UHRF2: variants seen among roughly 807,000 people sequenced by gnomAD.
UHRF2 encodes E3 ubiquitin-protein ligase UHRF2.
UHRF2 carries 23 observed loss-of-function variants against 96.8 expected under a neutral mutation model. That is an observed-to-expected ratio of 0.24 (90% CI 0.17 to 0.34). The LOEUF (loss-of-function observed/expected upper bound fraction) is 0.34. Ranked by LOEUF, UHRF2 falls within the 10% of genes least tolerant of loss-of-function variation. The pLI, the probability that UHRF2 is intolerant of heterozygous loss-of-function variation, is 1.00. For synonymous variants in UHRF2, 385 were observed against 332.6 expected (o/e 1.16, Z -1.72); for missense variants, 685 against 981.5 (o/e 0.70, Z 4.04).
At chr9:6,488,083 A>C (rs867797765) in intron 9 of UHRF2, among the ~76,000 whole-genome samples, 1 of 151,222 alleles carries the variant, frequency 6.6e-6, no homozygotes, top group Non-Finnish European at 1.5e-5. Context: ...CCTACCAAAA[A>C]AACAGAGAAA....
intron 4 of UHRF2, among the ~76,000 whole-genome samples, chr9:6,467,597 T>TG (rs1317491669): frequency 3.4e-5 from 5 of 145,812 alleles, no homozygotes; most frequent in African/African-American, 1.0e-4. Flanking sequence ...AGAGAATAGT[T>TG]TTTTTTTTTT....
chr9:6,470,947 G>T (rs978004969), intron 4 of UHRF2, among the ~76,000 whole-genome samples: 9 of 152,082 alleles, frequency 5.9e-5, no homozygotes, highest in African/African-American at 1.7e-4. Context: ...TATTAACTGT[G>T]AGTCAAGCAT....
chr9:6,477,525 TC>T (rs1222312032), intron 5 of UHRF2, 96 bp from the exon 6 acceptor site: 3 of 1,218,854 alleles, frequency 2.5e-6, no homozygotes, highest in Non-Finnish European at 3.4e-6. Context: ...AAACTCCATT[TC>T]AAAAAAAATG....
At chr9:6,495,287 A>C (rs1824898209) in intron 10 of UHRF2, 1 of 152,220 alleles carries the variant, frequency 6.6e-6, no homozygotes, top group Admixed American at 6.5e-5. Context: ...TTTTCTATAA[A>C]GAGGAGATAG....
At chr9:6,443,731 T>G (rs1442094187) in intron 3 of UHRF2, among the ~76,000 whole-genome samples, 2 of 152,206 alleles carry the variant, frequency 1.3e-5, no homozygotes, top group African/African-American at 4.8e-5. Flanking sequence ...ACTGTTACTT[T>G]TAATACAGTG....
At chr9:6,492,427 C>G in intron 9 of UHRF2, 1 of 897,360 alleles carries the variant, frequency 1.1e-6, no homozygotes, top group East Asian at 9.6e-5. Context: ...AATTCCTTCT[C>G]ATAGAATACA....
intron 1 of UHRF2, among the ~76,000 whole-genome samples, chr9:6,419,641 G>A (rs1474181582): frequency 4.6e-5 from 7 of 152,162 alleles, no homozygotes; most frequent in Admixed American, 1.3e-4. Context: ...GTTGATTCAA[G>A]CACTGATTAA....
chr9:6,473,069 C>G (rs1255007577), intron 4 of UHRF2, among the ~76,000 whole-genome samples: 4 of 152,128 alleles, frequency 2.6e-5, no homozygotes, highest in Non-Finnish European at 5.9e-5. Context: ...TCTCGAAATA[C>G]CTTTCCCACT....
At chr9:6,457,965 T>A (rs1300577230) in intron 3 of UHRF2, among the ~76,000 whole-genome samples, 2 of 152,190 alleles carry the variant, frequency 1.3e-5, no homozygotes, top group African/African-American at 4.8e-5. Context: ...GGCCTGAAAT[T>A]TTCTTTTTTT....
chr9:6,432,776 T>C (rs1225058268), intron 2 of UHRF2, among the ~76,000 whole-genome samples: 2 of 152,194 alleles, frequency 1.3e-5, no homozygotes, highest in Non-Finnish European at 2.9e-5. Flanking sequence ...TTTTCCTTTT[T>C]AAGGGCTTAA....
intron 9 of UHRF2, among the ~76,000 whole-genome samples, chr9:6,489,437 C>T (rs555565556): frequency 4.6e-5 from 7 of 152,322 alleles, no homozygotes; most frequent in Middle Eastern, 3.4e-3. Context: ...CCCAGAAGTG[C>T]AATTCCTGGG....
At position 6,485,937 on chromosome 9, in the gene UHRF2, A is replaced by G. The variant is rs540751629; in HGVS notation, c.1393-884A>G. ...TTGTTTCAGTGAGGCAGGAATGAAG[A>G]TATGAGGGGAAAAGCCGTCATCCAT... On this transcript the variant is annotated intron_variant, in intron 8 of 15. Coordinates refer to ENST00000276893, the MANE Select transcript of UHRF2 (RefSeq NM_152896.3). 2.0e-4 allele frequency among the ~76,000 whole-genome samples: 30 copies of G among 152,092 alleles called. No individual in the cohort carries two copies. In the South Asian group the frequency reaches 6.2e-3, roughly 32 times the overall value.
intron 5 of UHRF2, 47 bp from the exon 6 acceptor site, chr9:6,477,575 T>TA (rs750145049): frequency 6.6e-7 from 1 of 1,504,698 alleles, no homozygotes; most frequent in African/African-American, 1.4e-5. Flanking sequence ...TTCATAGATA[T>TA]AAAAAATGTT....
chr9:6,456,332 T>C (rs1822173646), intron 3 of UHRF2, among the ~76,000 whole-genome samples: 1 of 152,202 alleles, frequency 6.6e-6, no homozygotes, highest in African/African-American at 2.4e-5. Context: ...CATAAATGTC[T>C]CCTTTTGAGA....
intron 3 of UHRF2, among the ~76,000 whole-genome samples, chr9:6,442,743 G>C (rs1029190880): frequency 1.3e-5 from 2 of 151,320 alleles, no homozygotes; most frequent in African/African-American, 4.9e-5. Flanking sequence ...CTTTCACCTC[G>C]GCCTCCTAAA....
intron 3 of UHRF2, among the ~76,000 whole-genome samples, chr9:6,446,159 A>AT (rs35314530): frequency 0.16 from 23,848 of 146,888 alleles, 2,118 homozygotes; most frequent in South Asian, 0.24. Context: ...CACCTGGATA[A>AT]TTTTTTTTTT....
At chr9:6,472,207 A>T (rs1282354413) in intron 4 of UHRF2, among the ~76,000 whole-genome samples, 3 of 152,230 alleles carry the variant, frequency 2.0e-5, no homozygotes, top group African/African-American at 4.8e-5. Context: ...TTTAGTCTCC[A>T]GAATTTTGAC....
chr9:6,432,023 A>C (rs1820585947), intron 2 of UHRF2, among the ~76,000 whole-genome samples: 1 of 152,160 alleles, frequency 6.6e-6, no homozygotes, highest in South Asian at 2.1e-4. Context: ...TTTCATTTTT[A>C]CTGTGTTGTC....
intron 2 of UHRF2, among the ~76,000 whole-genome samples, chr9:6,424,425 A>G (rs984203485): frequency 1.4e-4 from 21 of 152,232 alleles, no homozygotes; most frequent in East Asian, 1.9e-4. Flanking sequence ...ATTTTTTTCT[A>G]TATTACTCTG....
Sources: allele counts gnomAD v4.1 joint callset (sites outside exome capture counted in the v4.1 genomes callset), GRCh38; gene constraint gnomAD v4.1.1; transcripts MANE v1.5; gene names NCBI Gene and HGNC (gene_info 2026-07-23, HGNC 2026-07-21).